UNC13C: variants seen among roughly 807,000 people sequenced by gnomAD.
UNC13C encodes the protein protein unc-13 homolog C.
Under a neutral mutation model 245.4 loss-of-function variants are expected in UNC13C, and 174 were observed. That is an observed-to-expected ratio of 0.71 (90% confidence interval 0.63 to 0.80). The LOEUF is 0.80. Among genes scored for constraint, UNC13C ranks in the 30% least tolerant of loss-of-function variants. The pLI is 0.00. For missense variants in UNC13C, 2,829 were observed against 2,602.9 expected, an observed-to-expected ratio of 1.09 and a Z score of -1.89; for synonymous variants, 992 against 895.1, an observed-to-expected ratio of 1.11 and a Z score of -1.93.
At chr15:54,333,020 G>T (rs944375345) in intron 15 of UNC13C, among the ~76,000 whole-genome samples, 2 of 151,870 alleles carry the variant, frequency 1.3e-5, no homozygotes, top group African/African-American at 2.4e-5. Context: ...GGCAACAAGG[G>T]CCTGAAGCCA....
chr15:53,894,021 A>G, the UNC13C span, among the ~76,000 whole-genome samples: 1 of 152,200 alleles, frequency 6.6e-6, no homozygotes, highest in Non-Finnish European at 1.5e-5. Flanking sequence ...GACCATGGGA[A>G]AAGTGCAGTA....
At chr15:54,326,987 C>T (rs557058012) in intron 14 of UNC13C, among the ~76,000 whole-genome samples, 9 of 151,944 alleles carry the variant, frequency 5.9e-5, no homozygotes, top group African/African-American at 1.9e-4. Flanking sequence ...GCCACTTTAC[C>T]AGCGCATCAC....
At chr15:54,217,926 G>A (rs556510846) in intron 4 of UNC13C, among the ~76,000 whole-genome samples, 6 of 151,794 alleles carry the variant, frequency 4.0e-5, no homozygotes, top group Non-Finnish European at 5.9e-5. Context: ...ACAGAACCAT[G>A]GACTACTTAA....
intron 2 of UNC13C, among the ~76,000 whole-genome samples, chr15:54,046,456 A>C (rs993490473): frequency 9.2e-5 from 14 of 152,072 alleles, no homozygotes; most frequent in Non-Finnish European, 2.1e-4. Flanking sequence ...CGTAATTTTA[A>C]TTTGCATTTA....
At chr15:53,871,188 T>C in the UNC13C span, among the ~76,000 whole-genome samples, 440 of 152,320 alleles carry the variant, frequency 2.9e-3, no homozygotes, top group South Asian at 0.016. Flanking sequence ...ATGACCTCTC[T>C]ATTTTTACCC....
At chr15:53,893,891 A>G in the UNC13C span, among the ~76,000 whole-genome samples, 1 of 152,112 alleles carries the variant, frequency 6.6e-6, no homozygotes, top group Non-Finnish European at 1.5e-5. Context: ...TCGAGGTACC[A>G]CTGGGGTTTG....
chr15:53,858,723 T>G, the UNC13C span, among the ~76,000 whole-genome samples: 1 of 152,166 alleles, frequency 6.6e-6, no homozygotes. Flanking sequence ...CTGGCCCAGA[T>G]AATGAAATAG....
chr15:54,384,241 C>T (rs1231980269), intron 17 of UNC13C, among the ~76,000 whole-genome samples: 1 of 152,072 alleles, frequency 6.6e-6, no homozygotes, highest in Admixed American at 6.6e-5. Flanking sequence ...AGGCATCATG[C>T]TATCTGACTT....
At chr15:54,144,050 A>C (rs573239311) in intron 4 of UNC13C, among the ~76,000 whole-genome samples, 7 of 152,326 alleles carry the variant, frequency 4.6e-5, no homozygotes, top group African/African-American at 1.7e-4. Flanking sequence ...TGATATATGT[A>C]CATGAACATT....
At chr15:54,295,288 A>G (rs1596163195) in intron 11 of UNC13C, among the ~76,000 whole-genome samples, 1 of 152,164 alleles carries the variant, frequency 6.6e-6, no homozygotes, top group African/African-American at 2.4e-5. Flanking sequence ...ACGTTAACAT[A>G]TTCTTGGGTC....
chr15:54,125,166 A>G (rs868525268), intron 2 of UNC13C, among the ~76,000 whole-genome samples: 1 of 152,172 alleles, frequency 6.6e-6, no homozygotes, highest in African/African-American at 2.4e-5. Context: ...GTCCTTAAAT[A>G]TAAAAATAAT....
chr15:54,272,556 G>C (rs1319285736), intron 10 of UNC13C, among the ~76,000 whole-genome samples: 1 of 152,146 alleles, frequency 6.6e-6, no homozygotes, highest in Non-Finnish European at 1.5e-5. Flanking sequence ...ACAGAAGATG[G>C]TTCCACAGTT....
At chr15:54,457,892 G>GTTTTTTTTTTTTTTTTCTTTTTTTT (rs34133938) in intron 19 of UNC13C, among the ~76,000 whole-genome samples, 1 of 122,992 alleles carries the variant, frequency 8.1e-6, no homozygotes, top group African/African-American at 3.1e-5. Flanking sequence ...TCTGCTTTTC[G>GTTTTTTTTTTTTTTTTCTTTTTTTT]TTTTTTTTTT....
chr15:54,568,355 A>G (rs1897606377), intron 30 of UNC13C, among the ~76,000 whole-genome samples: 1 of 152,108 alleles, frequency 6.6e-6, no homozygotes, highest in Admixed American at 6.6e-5. Context: ...TTCGAATGTA[A>G]AATCCCTGTG....
intron 19 of UNC13C, among the ~76,000 whole-genome samples, chr15:54,467,037 A>C (rs1249280205): frequency 6.6e-6 from 1 of 151,812 alleles, no homozygotes; most frequent in Non-Finnish European, 1.5e-5. Context: ...ATAAACTGTG[A>C]CAGTTGTTAA....
chr15:53,840,211 G>A, the UNC13C span, among the ~76,000 whole-genome samples: 1 of 152,086 alleles, frequency 6.6e-6, no homozygotes, highest in South Asian at 2.1e-4. Context: ...AATACTAATA[G>A]GAAGAAGAAT....
the UNC13C span, among the ~76,000 whole-genome samples, chr15:53,842,329 T>A: frequency 6.6e-6 from 1 of 152,200 alleles, no homozygotes; most frequent in African/African-American, 2.4e-5. Context: ...AGATATAAAG[T>A]ATCATTGTAG....
chr15:54,359,538 G>C (rs553230702), intron 17 of UNC13C, among the ~76,000 whole-genome samples: 1 of 151,740 alleles, frequency 6.6e-6, no homozygotes. Context: ...GTCTGTTCAG[G>C]TTCTCTATTT....
chr15:53,974,845 A>C (rs2140937873), upstream of UNC13C: 2 of 151,928 alleles, frequency 1.3e-5, no homozygotes, highest in South Asian at 4.2e-4. Flanking sequence ...AGGGTTTCTC[A>C]TGTGGTTGCA....
Sources: allele counts gnomAD v4.1 joint callset (sites outside exome capture counted in the v4.1 genomes callset), GRCh38; gene constraint gnomAD v4.1.1; transcripts MANE v1.5; gene names NCBI Gene and HGNC (gene_info 2026-07-23, HGNC 2026-07-21).